The following TSGA10IP variants were observed in gnomAD, a reference collection of about 807,000 sequenced individuals.
The protein encoded by TSGA10IP is testis-specific protein 10-interacting protein.
Under a neutral mutation model 63.2 loss-of-function variants are expected in TSGA10IP, and 64 were observed. The observed-to-expected ratio is 1.01, with a 90% CI of 0.83 to 1.25. TSGA10IP has a LOEUF of 1.25. Among genes scored for constraint, TSGA10IP ranks in the 50% most tolerant of loss-of-function variants. The pLI is 0.00. For synonymous variants in TSGA10IP, 316 were observed against 298.3 expected (o/e 1.06, Z -0.61); for missense variants, 681 against 710.1 (o/e 0.96, Z 0.47).
intron 1 of TSGA10IP, 71 bp from the exon 2 acceptor site, chr11:65,946,809 C>G: frequency 6.5e-7 from 1 of 1,543,356 alleles, no homozygotes; most frequent in South Asian, 1.2e-5. Flanking sequence ...AGAGGGAGCA[C>G]CCGGGTGAGG....
chr11:65,959,402 C>G (rs776597788), intron 7 of TSGA10IP, 88 bp downstream of exon 7: 22 of 1,537,022 alleles, frequency 1.4e-5, no homozygotes, highest in Non-Finnish European at 1.8e-5. Context: ...TCTGGAGGGC[C>G]TCCCCCAGGA....
chr11:65,945,910 CA>C (rs1480497572), intron 1 of TSGA10IP, 88 bp downstream of exon 1: 1 of 1,489,992 alleles, frequency 6.7e-7, no homozygotes, highest in African/African-American at 1.4e-5. Context: ...TGAGAAGCCA[CA>C]AGACCTGAGC....
At chr11:65,957,348 A>C (rs1456527980) in intron 5 of TSGA10IP, among the ~76,000 whole-genome samples, 1 of 152,258 alleles carries the variant, frequency 6.6e-6, no homozygotes, top group East Asian at 1.9e-4. Flanking sequence ...ACAGGGTTTC[A>C]CCATGTTGGC....
intron 5 of TSGA10IP, among the ~76,000 whole-genome samples, chr11:65,957,518 C>T (rs1282518863): frequency 1.3e-5 from 2 of 152,224 alleles, no homozygotes; most frequent in Non-Finnish European, 2.9e-5. Context: ...CTTGTAACTG[C>T]CATAAATTCC....
At chr11:65,948,695 C>T (rs1191062323) in intron 4 of TSGA10IP, among the ~76,000 whole-genome samples, 3 of 151,990 alleles carry the variant, frequency 2.0e-5, no homozygotes, top group Non-Finnish European at 4.4e-5. Context: ...GTTAAGGGGC[C>T]GGGCGTGGTG....
intron 5 of TSGA10IP, 41 bp downstream of exon 5, chr11:65,953,778 C>A (rs756362970): frequency 1.4e-6 from 2 of 1,443,932 alleles, no homozygotes. Flanking sequence ...TGGGAGAGGG[C>A]AGGGAGGCCG....
chr11:65,953,559 C>A lies in TSGA10IP; in HGVS notation c.1152-8C>A. 1 of 1,566,686 alleles carries A rather than the reference C, an allele frequency of 6.4e-7. No individual in the cohort carries two copies. The highest frequency in any genetic ancestry group is 1.2e-5 in the South Asian group (1 of 86,246). On this transcript the variant is annotated splice_region_variant and splice_polypyrimidine_tract_variant and intron_variant, in intron 4 of 7. Transcript: ENST00000532620. Reference sequence around the variant, plus strand: ...AACCTCTCATTCCCCTTCCCTTTCTCACCCAAGGAGCCTGCTGCAGGCCTG... The same window carrying A: ...AACCTCTCATTCCCCTTCCCTTTCTAACCCAAGGAGCCTGCTGCAGGCCTG...
chr11:65,946,355 C>T (rs1854833794), intron 1 of TSGA10IP, among the ~76,000 whole-genome samples: 2 of 152,128 alleles, frequency 1.3e-5, no homozygotes, highest in Admixed American at 6.6e-5. Flanking sequence ...GTCCTGAGCA[C>T]ACAATAGGTG....
chr11:65,945,576 A>C lies in TSGA10IP; in HGVS notation c.-100A>C, dbSNP rs1200628326. 3.8e-4 allele frequency: 472 copies of C among 1,230,792 alleles called. No individual in the cohort carries two copies. The highest frequency in any genetic ancestry group is 4.8e-4 in the Non-Finnish European group (418 of 870,082). 76.2% of individuals were successfully genotyped at this position (1,230,792 alleles called of 1,614,324 possible). A position where few individuals can be genotyped will look rare whatever the true frequency, so the allele number is the denominator to read the frequency against. ...TCACATACCCCACTGACCCCTTCCT[A>C]GCATGCTTTTTGCCAGACCCATTGA... On this transcript the variant is annotated 5_prime_UTR_variant, in exon 1 of 8. It removes the in-frame stop codon of an upstream open reading frame in the 5' UTR. Coordinates refer to ENST00000532620, the Ensembl canonical transcript of TSGA10IP.
In TSGA10IP at chr11:65,959,115, C is replaced by T. The variant is rs115345562; in HGVS notation, c.1423-75C>T. The T allele has an allele frequency of 1.4e-3, 2,143 of 1,571,300 alleles. 19 individuals carry two copies. The African/African-American group carries it at 0.022, about 16-fold the overall frequency. ...GCTGCCCTCTGGAATCCCTGGGACCCCCTCAGTAACCCGATCCCCACCTTG... is the reference window on the plus strand; with the variant it reads ...GCTGCCCTCTGGAATCCCTGGGACCTCCTCAGTAACCCGATCCCCACCTTG... On this transcript the variant is annotated intron_variant, in intron 6 of 7. Coordinates refer to ENST00000532620, the Ensembl canonical transcript of TSGA10IP.
chr11:65,948,266 A>G (rs1398192345), intron 4 of TSGA10IP, 118 bp downstream of exon 4: 2 of 1,295,538 alleles, frequency 1.5e-6, no homozygotes, highest in Non-Finnish European at 2.1e-6. Flanking sequence ...CCATTCACCA[A>G]ACTTTTGGAT....
At chr11:65,959,898 C>T in exon 8 of TSGA10IP, 1 of 1,612,480 alleles carries the variant, frequency 6.2e-7, no homozygotes, top group Non-Finnish European at 8.5e-7. Context: ...GCCAGCCTGA[C>T]AGGCACTACA....
At chr11:65,953,572 T>TGCTGCAGGCCTGGGAGCGGCA in exon 5 of TSGA10IP, 2 of 1,583,862 alleles carry the variant, frequency 1.3e-6, no homozygotes, top group Non-Finnish European at 1.7e-6. Context: ...CCAAGGAGCC[T>TGCTGCAGGCCTGGGAGCGGCA]GCTGCAGGCC....
intron 5 of TSGA10IP, among the ~76,000 whole-genome samples, chr11:65,957,625 C>T (rs1383764433): frequency 6.6e-6 from 1 of 152,198 alleles, no homozygotes; most frequent in African/African-American, 2.4e-5. Context: ...GGTTCCTTCC[C>T]TGGCACAGGG....
intron 1 of TSGA10IP, 95 bp from the exon 2 acceptor site, chr11:65,946,785 C>T: frequency 6.9e-7 from 1 of 1,446,678 alleles, no homozygotes; most frequent in Non-Finnish European, 9.3e-7. Context: ...CCAGCCAGGC[C>T]CAGCCAGGTG....
exon 1 of TSGA10IP, chr11:65,945,804 C>G (rs781318471): frequency 2.5e-6 from 4 of 1,613,714 alleles, no homozygotes; most frequent in Non-Finnish European, 2.5e-6. Context: ...TGCTGTCGAC[C>G]GTCTCTCAGG....
intron 7 of TSGA10IP, 98 bp from the exon 8 acceptor site, chr11:65,959,719 C>A: frequency 1.4e-6 from 2 of 1,449,648 alleles, no homozygotes; most frequent in Admixed American, 2.6e-5. Context: ...ACACAGCAAG[C>A]CGGCACTGAA....
chr11:65,953,431 C>A, intron 4 of TSGA10IP, 136 bp from the exon 5 acceptor site: 1 of 1,228,916 alleles, frequency 8.1e-7, no homozygotes, highest in Non-Finnish European at 1.1e-6. Flanking sequence ...CATGACAAAC[C>A]CTACTCCCAG....
intron 4 of TSGA10IP, among the ~76,000 whole-genome samples, chr11:65,950,560 A>T (rs1358864926): frequency 5.6e-5 from 8 of 142,074 alleles, no homozygotes; most frequent in African/African-American, 2.1e-4. Context: ...TGCCTGGCTA[A>T]TTTTTTTTTT....
Sources: allele counts gnomAD v4.1 joint callset (sites outside exome capture counted in the v4.1 genomes callset), GRCh38; gene constraint gnomAD v4.1.1; transcripts MANE v1.5; gene names NCBI Gene and HGNC (gene_info 2026-07-23, HGNC 2026-07-21).